Variants in ACP2 observed in about 807,000 individuals in gnomAD.
ACP2 encodes acid phosphatase 2, lysosomal.
ACP2 carries 35 observed loss-of-function variants against 54.7 expected under a neutral mutation model. The ratio of observed to expected loss-of-function variants is 0.64; its 90% CI spans 0.49 to 0.85. The LOEUF (loss-of-function observed/expected upper bound fraction) is 0.85. ACP2 is among the 40% of genes least tolerant of loss of function. The pLI is 0.00. For missense variants in ACP2, 492 were observed against 565.0 expected (o/e 0.87, Z 1.31); for synonymous variants, 210 against 224.4 (o/e 0.94, Z 0.57).
chr11:47,239,995 G>C lies in ACP2; in HGVS notation c.*121C>G, dbSNP rs60126026. On this transcript the variant is annotated 3_prime_UTR_variant, in exon 11 of 11. Coordinates refer to ENST00000672073, the MANE Select transcript of ACP2 (RefSeq NM_001610.4). ...GAGCCCCACTCGCTCATCTGGCTGG[G>C]GTCATCAGAGGGAGGCCCAACCCAG... 7.5e-6 allele frequency: 8 copies of C among 1,069,592 alleles called. No homozygotes were observed. Among genetic ancestry groups the C allele is most frequent in the East Asian group, 4.8e-5 (2 of 41,258 alleles). The allele number at this position is 1,069,592 out of a possible 1,614,324, so 66.3% of individuals were successfully genotyped here.
At position 47,243,072 on chromosome 11, in the gene ACP2, TCAC is replaced by T. The variant is rs770182549; in HGVS notation, c.905_907del (p.Gly302del). ...GTGGCAGGAGGCGTAGGGGGCTTGT[TCAC>T]CATTGTAGACATCCAGTGCCATTTG... is the stretch of plus-strand genomic sequence containing the variant. On this transcript the variant is annotated inframe_deletion, in exon 9 of 11. Coordinates refer to ENST00000672073, the MANE Select transcript of ACP2 (RefSeq NM_001610.4). The T allele has an allele frequency of 1.6e-5, 26 of 1,614,122 alleles. No homozygotes were observed. The highest frequency in any genetic ancestry group is 2.1e-5 in the Non-Finnish European group (25 of 1,180,052).
intron 3 of ACP2, 189 bp downstream of exon 3, chr11:47,247,452 C>T (rs1468717472): frequency 3.0e-6 from 2 of 663,838 alleles, no homozygotes; most frequent in African/African-American, 1.8e-5. Flanking sequence ...TTGCCTCATC[C>T]CAGCCAAGCA....
chr11:47,247,410 C>A, intron 3 of ACP2: 2 of 591,334 alleles, frequency 3.4e-6, no homozygotes, highest in Middle Eastern at 4.2e-4. Flanking sequence ...CCAGGCCCGC[C>A]CTTAAGTCCG....
Position 47,243,339 on chromosome 11 carries a change from C to G in ACP2, c.773-18G>C. ...CAGGACTCCTGAAGGAGAAAAGTCC[C>G]CGGTGTTGCTGGCTACAGCCACCTC... On this transcript the variant is annotated intron_variant, in intron 7 of 10. Transcript: ENST00000672073. The G allele has an allele frequency of 6.2e-7, 1 of 1,611,890 alleles. No individual in the cohort carries two copies. Among genetic ancestry groups the G allele is most frequent in the South Asian group, 1.1e-5 (1 of 90,998 alleles).
intron 3 of ACP2, 124 bp from the exon 4 acceptor site, chr11:47,245,958 C>A (rs1954063910): frequency 2.1e-6 from 3 of 1,409,728 alleles, no homozygotes; most frequent in Non-Finnish European, 1.8e-6. Context: ...GTTTTGGTCA[C>A]CCCAAAGTGG....
chr11:47,248,372 G>T (rs2135547417), intron 1 of ACP2: 1 of 1,411,476 alleles, frequency 7.1e-7, no homozygotes, highest in South Asian at 1.3e-5. Context: ...AGGGAAAAGA[G>T]AAGTGAAAGC....
intron 6 of ACP2, 36 bp from the exon 7 acceptor site, chr11:47,244,903 C>A: frequency 6.4e-7 from 1 of 1,559,632 alleles, no homozygotes; most frequent in East Asian, 2.3e-5. Context: ...CGCCCCAGGC[C>A]TAGGCCAGCC....
chr11:47,245,326 G>C lies in ACP2; in HGVS notation c.618C>G (p.Val206=). Residue 206 remains valine (V), a synonymous_variant, in exon 6 of 11, where the codon GTC becomes GTG. Transcript: ENST00000672073. The stretch of plus-strand genomic sequence containing the variant: ...TCACCTCACAGAAGAGTGTGTCATA[G>C]ACATTCCAGACGGTCTCCAGTGTCA... The part of the protein sequence containing the change: ...TDLTLETVWN[V]YDTLFCEQTH... 6.2e-7 allele frequency: 1 copy of C among 1,614,140 alleles called. No individual in the cohort carries two copies. The highest frequency in any genetic ancestry group is 8.5e-7 in the Non-Finnish European group (1 of 1,180,020).
intron 2 of ACP2, 51 bp from the exon 3 acceptor site, chr11:47,247,778 A>C: frequency 1.3e-6 from 2 of 1,577,582 alleles, no homozygotes; most frequent in Non-Finnish European, 1.7e-6. Flanking sequence ...GGGTGGCTTC[A>C]AGCCCCATGG....
intron 1 of ACP2, chr11:47,248,350 G>T: frequency 7.9e-7 from 1 of 1,271,722 alleles, no homozygotes; most frequent in Non-Finnish European, 1.1e-6. Context: ...CAAAGCCAAG[G>T]TACAGGTAGG....
intron 3 of ACP2, among the ~76,000 whole-genome samples, chr11:47,246,404 T>C (rs1196984626): frequency 6.6e-6 from 1 of 152,072 alleles, no homozygotes; most frequent in Non-Finnish European, 1.5e-5. Context: ...AGTGAGACCC[T>C]GTCTCTACAA....
chr11:47,247,265 A>G (rs2135541573), intron 3 of ACP2: 1 of 249,214 alleles, frequency 4.0e-6, no homozygotes, highest in East Asian at 9.6e-5. Context: ...ACAACATTCT[A>G]AGCTCCATGA....
At chr11:47,241,278 G>A (rs934294723) in intron 10 of ACP2, among the ~76,000 whole-genome samples, 2 of 152,222 alleles carry the variant, frequency 1.3e-5, no homozygotes, top group African/African-American at 4.8e-5. Flanking sequence ...AGCAATTTGG[G>A]AGACTAAGGC....
chr11:47,244,658 G>GTT, intron 7 of ACP2, 77 bp downstream of exon 7: 1 of 1,209,760 alleles, frequency 8.3e-7, no homozygotes, highest in South Asian at 1.7e-5. Flanking sequence ...AGGGAAGTGT[G>GTT]TGAGAAGCCC....
Position 47,245,390 on chromosome 11 carries a change from A to G in ACP2, c.554T>C (p.Phe185Ser). 6.2e-7 allele frequency: 1 copy of G among 1,614,146 alleles called. No homozygotes were observed. The highest frequency in any genetic ancestry group is 1.1e-5 in the South Asian group (1 of 91,080). Reference sequence around the variant, plus strand: ...TGTCTCGTTGGCCACCATGTCCAGAAATTGCTATGAAAAATGGATCAGGGT... The same window carrying G: ...TGTCTCGTTGGCCACCATGTCCAGAGATTGCTATGAAAAATGGATCAGGGT... ...YQNESSRNAQ[F>S]LDMVANETGL... Residue 185 changes from phenylalanine (F) to serine (S), a missense_variant, in exon 6 of 11, where the codon TTT becomes TCT. By Grantham distance (155) the Phe-to-Ser change is radical. Coordinates refer to ENST00000672073, the MANE Select transcript of ACP2 (RefSeq NM_001610.4).
At chr11:47,247,901 A>T in intron 2 of ACP2, 137 bp downstream of exon 2, 1 of 939,884 alleles carries the variant, frequency 1.1e-6, no homozygotes, top group Non-Finnish European at 1.6e-6. Flanking sequence ...GGGCACAGAG[A>T]TTAAGGTTAT....
At chr11:47,247,968 G>A in intron 2 of ACP2, 70 bp downstream of exon 2, 6 of 1,374,902 alleles carry the variant, frequency 4.4e-6, no homozygotes, top group Non-Finnish European at 5.0e-6. Context: ...AGGACCCCAA[G>A]TTTTGTAGAC....
rs1953915457 is a variant in ACP2, at chr11:47,242,666, A to G, written c.1138+57T>C. The G allele has an allele frequency of 3.8e-6, 6 of 1,568,764 alleles. No homozygotes were observed. The South Asian group carries it at 5.8e-5, about 15-fold the overall frequency. ...GTGCGACAGCTCTTGAGATGCGTGG[A>G]TGTGAACTGCAGGCTGGTCTAGGGC... On this transcript the variant is annotated intron_variant, in intron 10 of 10. Transcript: ENST00000672073.
Position 47,248,747 on chromosome 11 carries a change from G to A in ACP2, c.43C>T (p.Gln15Ter), listed in dbSNP as rs768479921. ...RSGWSRAALL[Q>*]LLLGVNLVVM... ...ACCAGGTTCACGCCGAGAAGGAGCT[G>A]GAGGAGAGCCGCCCGGCTCCAGCCG... is the stretch of plus-strand genomic sequence containing the variant. Residue 15 changes from glutamine to a stop codon, truncating the protein, a stop_gained, in exon 1 of 11, where the codon CAG becomes TAG. Transcript: ENST00000672073. LOFTEE classifies it high-confidence loss of function. 1 of 1,608,660 alleles carries A rather than the reference G, an allele frequency of 6.2e-7. No individual in the cohort carries two copies. Among genetic ancestry groups the A allele is most frequent in the South Asian group, 1.1e-5 (1 of 89,842 alleles).
Sources: gnomAD v4.1 joint callset for allele counts (sites outside exome capture counted in the v4.1 genomes callset) on GRCh38, gnomAD v4.1.1 for gene constraint, MANE v1.5 for transcripts, NCBI Gene and HGNC (gene_info 2026-07-23, HGNC 2026-07-21) for gene names.